ZNF669: variants seen among roughly 807,000 people sequenced by gnomAD.
ZNF669 encodes zinc finger protein 669.
Under a neutral mutation model 11.4 loss-of-function variants are expected in ZNF669, and 7 were observed. The observed-to-expected ratio is 0.62, with a 90% CI of 0.35 to 1.16. The LOEUF (loss-of-function observed/expected upper bound fraction) is 1.16, where lower values mean the gene tolerates loss of function less well. ZNF669 is among the 50% of genes most tolerant of loss of function. ZNF669 has a pLI of 0.02. For missense variants in ZNF669, 492 were observed against 463.6 expected (o/e 1.06, Z -0.56); for synonymous variants, 153 against 155.8 (o/e 0.98, Z 0.13).
Position 247,100,444 on chromosome 1 carries a change from A to G in ZNF669, c.1067T>C (p.Ile356Thr), listed in dbSNP as rs754047105. Residue 356 changes from isoleucine (I) to threonine (T), a missense_variant, in exon 4 of 4, where the codon ATA (isoleucine) becomes ACA (threonine). Transcript: ENST00000448299. ...GGCTGAGTCACTACACCCAGCCTCTATATCATGACTTCTTTCATGGCGAGT... is the reference window on the plus strand; with the variant it reads ...GGCTGAGTCACTACACCCAGCCTCTGTATCATGACTTCTTTCATGGCGAGT... ...HLTRHERSHD[I>T]EAGCSDSAYN... The G allele has an allele frequency of 8.7e-6, 14 of 1,614,198 alleles. No individual in the cohort carries two copies. The highest frequency in any genetic ancestry group is 3.3e-5 in the South Asian group (3 of 91,084).
In ZNF669 at chr1:247,101,369, T is replaced by A. The variant is rs747760362; in HGVS notation, c.192-50A>T. The stretch of plus-strand genomic sequence containing the variant: ...ATTATTGGTTGGTTTATTAATAACT[T>A]TCTACTTATTAATAGGTCTTGGACT... On this transcript the variant is annotated intron_variant, in intron 3 of 3. Transcript: ENST00000448299. 11 of 1,501,020 alleles carry A rather than the reference T, an allele frequency of 7.3e-6. No individual in the cohort carries two copies. The East Asian group carries it at 2.5e-4, about 34-fold the overall frequency. 93.0% of individuals were successfully genotyped at this position (1,501,020 alleles called of 1,614,324 possible).
At chr1:247,103,660 GAA>G (rs1162449211) in intron 1 of ZNF669, among the ~76,000 whole-genome samples, 1 of 86,106 alleles carries the variant, frequency 1.2e-5, no homozygotes, top group African/African-American at 4.2e-5. Context: ...AAAAAAAAAA[GAA>G]TATGGTTTGC....
At position 247,100,545 on chromosome 1, in the gene ZNF669, G is replaced by T. The variant is rs575453336; in HGVS notation, c.966C>A (p.His322Gln). ...AFSRLSSLHL[H>Q]ERIHTGEKPY... ...GTTTTTCTCCAGTATGAATTCTTTC[G>T]TGGAGGTGAAGGGAACTGAGGCGAC... Residue 322 changes from histidine to glutamine, a missense_variant, in exon 4 of 4, where the codon CAC becomes CAA. Physicochemically the swap from His to Gln is conservative, Grantham distance 24. Coordinates refer to ENST00000448299, the MANE Select transcript of ZNF669 (RefSeq NM_001142572.2). 1 of 1,614,166 alleles carries T rather than the reference G, an allele frequency of 6.2e-7. No homozygotes were observed. The highest frequency in any genetic ancestry group is 2.2e-5 in the East Asian group (1 of 44,886).
intron 2 of ZNF669, 84 bp downstream of exon 2, chr1:247,101,903 T>C (rs981230904): frequency 1.9e-6 from 3 of 1,606,668 alleles, no homozygotes; most frequent in Non-Finnish European, 1.7e-6. Context: ...ACCAAATCAT[T>C]CCCTTGCCAC....
Position 247,103,956 on chromosome 1 carries a change from G to A in ZNF669, c.3+241C>T, listed in dbSNP as rs61730461. ...CACACTACCTGGATAGGGGAGGCGA[G>A]GGGTTCCCGACAGGGCTCCGGCCGG... On this transcript the variant is annotated intron_variant, in intron 1 of 3. Transcript: ENST00000448299. 1.8e-3 allele frequency: 2,915 copies of A among 1,603,414 alleles called. 45 individuals carry two copies. In the African/African-American group the frequency reaches 0.034, roughly 19 times the overall value.
rs1429741149 is a variant in ZNF669 at position 247,100,436 on chromosome 1, C to G, written c.1075G>C (p.Gly359Arg). The G allele has an allele frequency of 6.2e-7, 1 of 1,614,192 alleles. No homozygotes were observed. Among genetic ancestry groups the G allele is most frequent in the Non-Finnish European group, 8.5e-7 (1 of 1,180,014 alleles). ...GGATTATAGGCTGAGTCACTACACC[C>G]AGCCTCTATATCATGACTTCTTTCA... is the stretch of plus-strand genomic sequence containing the variant. ...RHERSHDIEAGCSDSAYNPST... is the reference protein window; with the variant it reads ...RHERSHDIEARCSDSAYNPST... Residue 359 changes from glycine (G) to arginine (R), a missense_variant, in exon 4 of 4, where the codon GGG becomes CGG. Physicochemically the swap from Gly to Arg is moderately radical, Grantham distance 125 (BLOSUM62 -2). Coordinates refer to ENST00000448299, the MANE Select transcript of ZNF669 (RefSeq NM_001142572.2).
rs574878095 is a variant in ZNF669 at position 247,104,320 on chromosome 1, G to C, written c.-121C>G. The C allele has an allele frequency of 7.0e-4, 921 of 1,310,706 alleles. No individual in the cohort carries two copies. Among genetic ancestry groups the C allele is most frequent in the Non-Finnish European group, 8.8e-4 (885 of 1,003,204 alleles). 81.2% of individuals were successfully genotyped at this position (1,310,706 alleles called of 1,614,324 possible). A position where few individuals can be genotyped will look rare whatever the true frequency, so the allele number is the denominator to read the frequency against. ...CCCAGAGCCAAGAACTAGCAGCGGAGACTAACAGGAAGAGCCGGCTCCGGC... is the reference window on the plus strand; with the variant it reads ...CCCAGAGCCAAGAACTAGCAGCGGACACTAACAGGAAGAGCCGGCTCCGGC... On this transcript the variant is annotated 5_prime_UTR_variant, in exon 1 of 4. Transcript: ENST00000448299.
chr1:247,102,109 G>C lies in ZNF669; in HGVS notation c.8C>G (p.Ser3Trp). MD[S>W]VAFEDVAVNF... is the part of the protein sequence containing the mutation. Reference sequence around the variant, plus strand: ...CACAGCCACATCCTCAAAAGCCACCGAGTCCTAGAACATTCCACACATGTG... The same window carrying C: ...CACAGCCACATCCTCAAAAGCCACCCAGTCCTAGAACATTCCACACATGTG... Residue 3 changes from serine (S) to tryptophan (W), a missense_variant, in exon 2 of 4, where the codon TCG becomes TGG. Coordinates refer to ENST00000448299, the MANE Select transcript of ZNF669 (RefSeq NM_001142572.2). 1 of 1,605,354 alleles carries C rather than the reference G, an allele frequency of 6.2e-7. No individual in the cohort carries two copies. Among genetic ancestry groups the C allele is most frequent in the South Asian group, 1.1e-5 (1 of 90,066 alleles).
chr1:247,102,556 CTAAG>C (rs1671745673), intron 1 of ZNF669, among the ~76,000 whole-genome samples: 1 of 152,166 alleles, frequency 6.6e-6, no homozygotes, highest in African/African-American at 2.4e-5. Context: ...TTCCACCAAC[CTAAG>C]TAATAAGAAT....
intron 1 of ZNF669, among the ~76,000 whole-genome samples, chr1:247,103,298 G>A (rs115389615): frequency 6.6e-6 from 1 of 152,152 alleles, no homozygotes; most frequent in Non-Finnish European, 1.5e-5. Context: ...GTGTCAGATG[G>A]TTTATTCTCC....
rs764543075 is a variant in ZNF669, at chr1:247,101,142, T to C, written c.369A>G (p.Leu123=). Residue 123 remains leucine (L), a synonymous_variant, in exon 4 of 4, where the codon CTA becomes CTG. Coordinates refer to ENST00000448299, the MANE Select transcript of ZNF669 (RefSeq NM_001142572.2). ...CATATGGTTTGTATCCTGAGTGAGC[T>C]AGGATATGCCTATTAAGGAGGGAAT... ...VRHSLLNRHI[L]AHSGYKPYGE... 5 of 1,613,938 alleles carry C rather than the reference T, an allele frequency of 3.1e-6. No homozygotes were observed. The Admixed American group carries it at 6.7e-5, about 22-fold the overall frequency.
rs1366174727 is a variant in ZNF669 at position 247,101,111 on chromosome 1, T to C, written c.400A>G (p.Lys134Glu). The C allele has an allele frequency of 4.3e-6, 7 of 1,614,018 alleles. No individual in the cohort carries two copies. The Admixed American group carries it at 1.0e-4, about 23-fold the overall frequency. Residue 134 changes from lysine to glutamate, a missense_variant, in exon 4 of 4, where the codon AAG becomes GAG. Transcript: ENST00000448299. Reference protein sequence around the residue: ...AHSGYKPYGEKQYKCEQCGKF... With the variant: ...AHSGYKPYGEEQYKCEQCGKF... ...CCACACTGTTCACATTTATATTGCT[T>C]CTCTCCATATGGTTTGTATCCTGAG...
rs769840308 is a variant in ZNF669, at chr1:247,100,708, C to T, written c.803G>A (p.Ser268Asn). Residue 268 changes from serine (S) to asparagine (N), a missense_variant, in exon 4 of 4, where the codon AGC becomes AAC. Transcript: ENST00000448299. ...ATAGGGTCTCTCTCCAGTATGAATG[C>T]TTCCATGGTAACGAAGGGAAGTGGA... Reference protein sequence around the residue: ...SCSTSLRYHGSIHTGERPYEC... With the variant: ...SCSTSLRYHGNIHTGERPYEC... The T allele has an allele frequency of 6.2e-6, 10 of 1,614,066 alleles. No homozygotes were observed. The highest frequency in any genetic ancestry group is 3.3e-4 in the Middle Eastern group (2 of 6,084).
Position 247,101,312 on chromosome 1 carries a change from T to C in ZNF669, c.199A>G (p.Ile67Val). 6.5e-7 allele frequency: 1 copy of C among 1,550,370 alleles called. No individual in the cohort carries two copies. Among genetic ancestry groups the C allele is most frequent in the Non-Finnish European group, 8.7e-7 (1 of 1,155,542 alleles). ...EKPGKDIRNH[I>V]VQRLCESKED... ...TTACTTTCACACAGTCTCTGTACGA[T>C]ATGATTTCTGTAAAAAAATGACAAG... is the stretch of plus-strand genomic sequence containing the variant. The change falls in exon 4 of 4, where the codon ATC becomes GTC. Residue 67 changes from isoleucine (I) to valine (V), a missense_variant. By Grantham distance (29) the Ile-to-Val change is conservative. Transcript: ENST00000448299.
Position 247,100,584 on chromosome 1 carries a change from A to C in ZNF669, c.927T>G (p.Cys309Trp). 6.2e-7 allele frequency: 1 copy of C among 1,614,190 alleles called. No individual in the cohort carries two copies. Among genetic ancestry groups the C allele is most frequent in the Non-Finnish European group, 8.5e-7 (1 of 1,180,024 alleles). The part of the protein sequence containing the change: ...TGEKPYECKQ[C>W]DQAFSRLSSL... Reference sequence around the variant, plus strand: ...AACTGAGGCGACTGAAGGCTTGATCACATTGTTTACATTCATAGGGTTTCT... The same window carrying C: ...AACTGAGGCGACTGAAGGCTTGATCCCATTGTTTACATTCATAGGGTTTCT... The change falls in exon 4 of 4, where the codon TGT becomes TGG. Residue 309 changes from cysteine (C) to tryptophan (W), a missense_variant. Physicochemically the swap from Cys to Trp is radical, Grantham distance 215 (BLOSUM62 -2). Transcript: ENST00000448299.
chr1:247,100,888 A>T lies in ZNF669; in HGVS notation c.623T>A (p.Leu208Gln), dbSNP rs776519103. The change falls in exon 4 of 4, where the codon CTA becomes CAA. Residue 208 changes from leucine to glutamine, a missense_variant. Physicochemically the swap from Leu to Gln is moderately radical, Grantham distance 113. Transcript: ENST00000448299. ...GKAFTVSGSCLIHERTHTGEK... is the reference protein window; with the variant it reads ...GKAFTVSGSCQIHERTHTGEK... ...TCCAGTGTGAGTTCGTTCATGTATT[A>T]GACAAGAACCGGAAACAGTGAATGC... 1.2e-6 allele frequency: 2 copies of T among 1,614,120 alleles called. No individual in the cohort carries two copies. Among genetic ancestry groups the T allele is most frequent in the South Asian group, 2.2e-5 (2 of 91,078 alleles).
chr1:247,104,118 G>A, intron 1 of ZNF669, 79 bp downstream of exon 1: 1 of 1,594,870 alleles, frequency 6.3e-7, no homozygotes, highest in Non-Finnish European at 8.5e-7. Flanking sequence ...AGCCGATGGC[G>A]TGGAGGCCCG....
In ZNF669 at chr1:247,100,390, C is replaced by A; in HGVS notation, c.1121G>T (p.Gly374Val). The change falls in exon 4 of 4, where the codon GGC becomes GTC. Residue 374 changes from glycine (G) to valine (V), a missense_variant. Gly to Val is a moderately radical substitution (Grantham distance 109). Transcript: ENST00000448299. ...CTCCTGGGCTCAAGCAATCCACACG[C>A]CTTGGCCTCCCAAAGTGCTGGGATT... ...AYNPSTLGGQGVWIA is the reference protein window; with the variant it reads ...AYNPSTLGGQVVWIA 1 of 1,604,522 alleles carries A rather than the reference C, an allele frequency of 6.2e-7. No homozygotes were observed. Among genetic ancestry groups the A allele is most frequent in the Non-Finnish European group, 8.5e-7 (1 of 1,173,308 alleles).
intron 1 of ZNF669, among the ~76,000 whole-genome samples, chr1:247,103,600 T>G (rs73133892): frequency 0.031 from 3,733 of 119,190 alleles, 185 homozygotes; most frequent in African/African-American, 0.11. Flanking sequence ...ATCATTGCAC[T>G]CCAGCCTGGC....
Sources: allele counts gnomAD v4.1 joint callset (sites outside exome capture counted in the v4.1 genomes callset), GRCh38; gene constraint gnomAD v4.1.1; transcripts MANE v1.5; gene names NCBI Gene and HGNC (gene_info 2026-07-23, HGNC 2026-07-21).